The following GALNTL6 variants were observed in gnomAD, a reference collection of about 807,000 sequenced individuals.
The protein encoded by GALNTL6 is polypeptide N-acetylgalactosaminyltransferase like 6.
In GALNTL6, 46 loss-of-function variants were observed where a neutral mutation model predicts 73.7. The ratio of observed to expected loss-of-function variants is 0.62; its 90% confidence interval spans 0.49 to 0.80. The LOEUF (loss-of-function observed/expected upper bound fraction) is 0.80, where lower values mean the gene tolerates loss of function less well. Ranked by LOEUF, GALNTL6 falls within the 30% of genes least tolerant of loss-of-function variation. The probability of loss-of-function intolerance (pLI) is 0.00; values close to 1 mark genes in which losing one functional copy is unlikely to be tolerated. For missense variants in GALNTL6, 604 were observed against 755.0 expected (o/e 0.80, Z 2.34); for synonymous variants, 259 against 263.7 (o/e 0.98, Z 0.17).
intron 8 of GALNTL6, among the ~76,000 whole-genome samples, chr4:172,905,904 C>T (rs1037156131): frequency 6.7e-6 from 1 of 150,344 alleles, no homozygotes; most frequent in Non-Finnish European, 1.5e-5. Flanking sequence ...TACCCCCAAC[C>T]ACGACCTATA....
At chr4:171,875,153 G>C (rs751949558) in intron 2 of GALNTL6, among the ~76,000 whole-genome samples, 1 of 152,134 alleles carries the variant, frequency 6.6e-6, no homozygotes, top group African/African-American at 2.4e-5. Flanking sequence ...ACTATTTTTT[G>C]ATGATGATAA....
At chr4:172,476,735 G>A (rs1579107689) in intron 5 of GALNTL6, among the ~76,000 whole-genome samples, 1 of 152,174 alleles carries the variant, frequency 6.6e-6, no homozygotes. Context: ...CAGAGAATGT[G>A]TTCTTGTACT....
intron 5 of GALNTL6, among the ~76,000 whole-genome samples, chr4:172,567,594 A>C (rs1736603658): frequency 6.6e-6 from 1 of 152,054 alleles, no homozygotes; most frequent in African/African-American, 2.4e-5. Flanking sequence ...CCAGCACTTT[A>C]AAAGTCTAAG....
At chr4:171,841,323 A>G (rs1735234021) in intron 2 of GALNTL6, among the ~76,000 whole-genome samples, 1 of 152,186 alleles carries the variant, frequency 6.6e-6, no homozygotes, top group Admixed American at 6.6e-5. Flanking sequence ...ATTCAGTGCA[A>G]TTTGATCACT....
rs78408036 is a variant in GALNTL6 at position 172,316,704 on chromosome 4, T to A, written c.386+4952T>A. 8.0e-3 allele frequency among the ~76,000 whole-genome samples: 1,216 copies of A among 152,312 alleles called. 30 individuals are homozygous for A. The East Asian group carries it at 0.082, about 10-fold the overall frequency. On this transcript the variant is annotated intron_variant, in intron 4 of 12. Coordinates refer to ENST00000506823, the MANE Select transcript of GALNTL6 (RefSeq NM_001034845.3). ...ATTTGAGAGATAGCCCCAGAAACGA[T>A]TTGCTATGAAAACATTCGCTTTATT...
intron 5 of GALNTL6, among the ~76,000 whole-genome samples, chr4:172,549,057 G>A (rs1433943090): frequency 6.6e-6 from 1 of 152,062 alleles, no homozygotes; most frequent in Non-Finnish European, 1.5e-5. Flanking sequence ...TTCCCTTTGA[G>A]ATGTATAGTT....
At chr4:172,577,561 A>G (rs1737005314) in intron 5 of GALNTL6, among the ~76,000 whole-genome samples, 2 of 152,242 alleles carry the variant, frequency 1.3e-5, no homozygotes, top group South Asian at 4.1e-4. Flanking sequence ...TTTCCACTGT[A>G]TACCACCTCA....
At chr4:172,195,510 T>G (rs1735733911) in intron 2 of GALNTL6, among the ~76,000 whole-genome samples, 1 of 152,180 alleles carries the variant, frequency 6.6e-6, no homozygotes, top group Admixed American at 6.5e-5. Flanking sequence ...TGGCATTTAT[T>G]CTAAAATTGG....
intron 5 of GALNTL6, among the ~76,000 whole-genome samples, chr4:172,710,010 T>G (rs1359555848): frequency 6.6e-6 from 1 of 152,036 alleles, no homozygotes; most frequent in African/African-American, 2.4e-5. Flanking sequence ...AGCTGGCAAT[T>G]CACAAAAAAA....
rs146718285 is a variant in GALNTL6 at position 172,546,935 on chromosome 4, C to T, written c.553+198246C>T. Among the ~76,000 whole-genome samples, 222 of 150,758 alleles carry T rather than the reference C, an allele frequency of 1.5e-3. 1 individual carries two copies. The highest frequency in any genetic ancestry group is 5.1e-3 in the African/African-American group (208 of 40,996). On this transcript the variant is annotated intron_variant, in intron 5 of 12. Transcript: ENST00000506823. ...CATTGTTGTGCAGTCATCACCCATC[C>T]GTGACCAGAGCTCTTTTCATGTTGT...
chr4:172,362,271 A>G (rs1742396876), intron 5 of GALNTL6, among the ~76,000 whole-genome samples: 1 of 152,160 alleles, frequency 6.6e-6, no homozygotes, highest in Non-Finnish European at 1.5e-5. Context: ...ATTTCAAAGA[A>G]TGACTCAATT....
intron 5 of GALNTL6, among the ~76,000 whole-genome samples, chr4:172,672,868 T>C (rs1297661073): frequency 6.6e-6 from 1 of 152,152 alleles, no homozygotes; most frequent in Non-Finnish European, 1.5e-5. Flanking sequence ...TCATTGGTAA[T>C]ATCCGCCTCA....
chr4:172,259,194 A>G lies in GALNTL6; in HGVS notation c.247+29430A>G, dbSNP rs555112869. ...AAGGAATCTCCGTACTGTTTTCCAT[A>G]GTGCTTGTACTAGTTTATATTCCCA... On this transcript the variant is annotated intron_variant, in intron 3 of 12. Transcript: ENST00000506823. 1.1e-4 allele frequency among the ~76,000 whole-genome samples: 16 copies of G among 151,594 alleles called. No homozygotes were observed. The Middle Eastern group carries it at 0.01, about 97-fold the overall frequency.
intron 2 of GALNTL6, among the ~76,000 whole-genome samples, chr4:171,865,157 A>C (rs1735937464): frequency 6.6e-6 from 1 of 152,170 alleles, no homozygotes. Context: ...AAAAAAAAAA[A>C]AGATTTAATC....
At chr4:172,559,506 G>A (rs1250439427) in intron 5 of GALNTL6, among the ~76,000 whole-genome samples, 1 of 152,136 alleles carries the variant, frequency 6.6e-6, no homozygotes, top group East Asian at 1.9e-4. Flanking sequence ...TTATCATGCT[G>A]AAATGTAACT....
chr4:172,075,710 T>C (rs1731681975), intron 2 of GALNTL6, among the ~76,000 whole-genome samples: 1 of 152,074 alleles, frequency 6.6e-6, no homozygotes, highest in Non-Finnish European at 1.5e-5. Context: ...AAAATAGTCA[T>C]GGCATCTCCC....
intron 2 of GALNTL6, among the ~76,000 whole-genome samples, chr4:171,987,928 C>T (rs1350676613): frequency 1.3e-5 from 2 of 152,068 alleles, no homozygotes; most frequent in Admixed American, 6.5e-5. Context: ...AAGTCCAGGC[C>T]AGGAACAATG....
rs191220060 is a variant in GALNTL6, at chr4:171,986,407, A to T, written c.138+171689A>T. On this transcript the variant is annotated intron_variant, in intron 2 of 12. Transcript: ENST00000506823. ...GTTAAGGCAGGAACCCGCCATCTGG[A>T]TGTGTACGTGCAGGTCACAGGGGAT... Among the ~76,000 whole-genome samples, 1,061 of 152,258 alleles carry T rather than the reference A, an allele frequency of 7.0e-3. 15 individuals carry two copies. Among genetic ancestry groups the T allele is most frequent in the African/African-American group, 0.024 (1,012 of 41,542 alleles).
chr4:172,952,955 C>T (rs1351633670), intron 10 of GALNTL6, among the ~76,000 whole-genome samples: 3 of 152,232 alleles, frequency 2.0e-5, no homozygotes, highest in Non-Finnish European at 4.4e-5. Context: ...AACCCTCTGT[C>T]CTGGTGCACA....
Sources: gnomAD v4.1 joint callset for allele counts (sites outside exome capture counted in the v4.1 genomes callset) on GRCh38, gnomAD v4.1.1 for gene constraint, MANE v1.5 for transcripts, NCBI Gene and HGNC (gene_info 2026-07-23, HGNC 2026-07-21) for gene names.